The following TSPAN15 variants were observed in gnomAD, a reference collection of about 807,000 sequenced individuals.
The protein encoded by TSPAN15 is tetraspanin 15.
A neutral mutation model predicts 34.5 loss-of-function variants in TSPAN15; 20 were observed. That is an observed-to-expected ratio of 0.58 (90% confidence interval 0.41 to 0.84). The LOEUF (loss-of-function observed/expected upper bound fraction) is 0.84, where lower values mean the gene tolerates loss of function less well. Ranked by LOEUF, TSPAN15 falls within the 40% of genes least tolerant of loss-of-function variation. TSPAN15 has a pLI of 0.00. For synonymous variants in TSPAN15, 155 were observed against 153.9 expected (o/e 1.01, Z -0.05); for missense variants, 313 against 386.1 (o/e 0.81, Z 1.59).
downstream of TSPAN15, among the ~76,000 whole-genome samples, chr10:69,511,249 T>C (rs1842411937): frequency 6.6e-6 from 1 of 152,222 alleles, no homozygotes; most frequent in Non-Finnish European, 1.5e-5. Context: ...TGCCTCAATT[T>C]CAGAACTTGT....
At chr10:69,495,735 GC>G (rs1842066924) in intron 4 of TSPAN15, 46 bp downstream of exon 4, 2 of 1,371,464 alleles carry the variant, frequency 1.5e-6, no homozygotes, top group Non-Finnish European at 2.1e-6. Flanking sequence ...CGTGCTCTTA[GC>G]CCCCCATTCA....
Position 69,479,517 on chromosome 10 carries a change from C to T in TSPAN15, c.97-4174C>T, listed in dbSNP as rs1021031265. ...CTCTTTGGCCCCAAATGGGCATGGCCGTGTGCCCCCCACCCCCAGCCCTGT... is the reference window on the plus strand; with the variant it reads ...CTCTTTGGCCCCAAATGGGCATGGCTGTGTGCCCCCCACCCCCAGCCCTGT... On this transcript the variant is annotated intron_variant, in intron 1 of 7. Coordinates refer to ENST00000373290, the MANE Select transcript of TSPAN15 (RefSeq NM_012339.5). Among the ~76,000 whole-genome samples the T allele has an allele frequency of 4.6e-5, 7 of 152,244 alleles. No individual in the cohort carries two copies. In the East Asian group the frequency reaches 5.8e-4, roughly 13 times the overall value.
the TSPAN15 span, among the ~76,000 whole-genome samples, chr10:69,516,678 C>T: frequency 6.6e-6 from 1 of 152,160 alleles, no homozygotes; most frequent in Non-Finnish European, 1.5e-5. Context: ...AGCACCCACC[C>T]CTCCCCCAGC....
At chr10:69,454,172 TA>T (rs1430908886) in intron 1 of TSPAN15, among the ~76,000 whole-genome samples, 1 of 152,222 alleles carries the variant, frequency 6.6e-6, no homozygotes, top group African/African-American at 2.4e-5. Context: ...TGGAGGGCCA[TA>T]AGTTTTATGA....
the TSPAN15 span, among the ~76,000 whole-genome samples, chr10:69,517,697 G>T: frequency 6.6e-6 from 1 of 152,224 alleles, no homozygotes; most frequent in Non-Finnish European, 1.5e-5. Context: ...GAACGGGCCT[G>T]TGGAGAATGT....
intron 4 of TSPAN15, among the ~76,000 whole-genome samples, chr10:69,496,796 T>C (rs1842095639): frequency 6.6e-6 from 1 of 152,220 alleles, no homozygotes; most frequent in Non-Finnish European, 1.5e-5. Context: ...GTGCAGCCTC[T>C]GGAAGGTCTT....
chr10:69,507,897 C>G (rs1842369903), downstream of TSPAN15, among the ~76,000 whole-genome samples: 1 of 151,498 alleles, frequency 6.6e-6, no homozygotes, highest in African/African-American at 2.4e-5. Flanking sequence ...CAGCATGAGG[C>G]TCCACCTCCA....
intron 1 of TSPAN15, among the ~76,000 whole-genome samples, chr10:69,460,024 GAT>G (rs1841214299): frequency 2.1e-5 from 1 of 46,928 alleles, no homozygotes; most frequent in South Asian, 6.2e-4. Flanking sequence ...GGGGAGATGA[GAT>G]GAGATGAGAT....
intron 3 of TSPAN15, among the ~76,000 whole-genome samples, chr10:69,488,424 C>T (rs893360577): frequency 1.3e-5 from 2 of 152,092 alleles, no homozygotes; most frequent in Non-Finnish European, 2.9e-5. Flanking sequence ...TTCTCTGAGC[C>T]ACAATGTAAC....
At chr10:69,484,706 C>A (rs1841812277) in intron 2 of TSPAN15, among the ~76,000 whole-genome samples, 1 of 152,162 alleles carries the variant, frequency 6.6e-6, no homozygotes, top group Non-Finnish European at 1.5e-5. Flanking sequence ...CAGCCATCCC[C>A]CTCACCCACT....
chr10:69,545,180 C>A, the TSPAN15 span, among the ~76,000 whole-genome samples: 2 of 152,314 alleles, frequency 1.3e-5, no homozygotes, highest in Non-Finnish European at 2.9e-5. Flanking sequence ...CCTCACTCCC[C>A]CTTTACCCCC....
intron 5 of TSPAN15, among the ~76,000 whole-genome samples, chr10:69,501,711 C>A (rs1842212028): frequency 6.6e-6 from 1 of 152,176 alleles, no homozygotes; most frequent in Non-Finnish European, 1.5e-5. Flanking sequence ...AGCAGGGCTC[C>A]CCTACCTCCA....
At chr10:69,467,051 A>G (rs1300145758) in intron 1 of TSPAN15, among the ~76,000 whole-genome samples, 8 of 152,158 alleles carry the variant, frequency 5.3e-5, no homozygotes, top group Non-Finnish European at 1.2e-4. Flanking sequence ...CACTTTCTGC[A>G]CAGGGTTTCA....
chr10:69,535,159 C>T, the TSPAN15 span, among the ~76,000 whole-genome samples: 7 of 152,188 alleles, frequency 4.6e-5, no homozygotes, highest in African/African-American at 1.4e-4. Flanking sequence ...TTCCTAGGAC[C>T]AAGATTATAG....
Position 69,494,627 on chromosome 10 carries a change from A to T in TSPAN15, c.358-967A>T, listed in dbSNP as rs1019966000. 36 of 985,194 alleles carry T rather than the reference A, an allele frequency of 3.7e-5. No homozygotes were observed. In the African/African-American group the frequency reaches 6.3e-4, roughly 17 times the overall value. 61.0% of individuals were successfully genotyped at this position (985,194 alleles called of 1,614,324 possible). A position where few individuals can be genotyped will look rare whatever the true frequency, so the allele number is the denominator to read the frequency against. On this transcript the variant is annotated intron_variant, in intron 3 of 7. Coordinates refer to ENST00000373290, the MANE Select transcript of TSPAN15 (RefSeq NM_012339.5). ...CCTACGGGTTTGGTTCACAGTTGGG[A>T]AGCTGAGGCCCAGAGAGGAGAAGTA...
chr10:69,451,747 C>CCCTCACTGGCCCGGGGTTGGGT, intron 1 of TSPAN15, 57 bp downstream of exon 1: 1 of 1,337,478 alleles, frequency 7.5e-7, no homozygotes, highest in Non-Finnish European at 9.8e-7. Flanking sequence ...TCCGGCCGCC[C>CCCTCACTGGCCCGGGGTTGGGT]CCTCACTGGC....
chr10:69,516,601 T>C, the TSPAN15 span, among the ~76,000 whole-genome samples: 1 of 152,178 alleles, frequency 6.6e-6, no homozygotes, highest in Non-Finnish European at 1.5e-5. Flanking sequence ...TGATCCCCAC[T>C]TGGCCGGGTC....
chr10:69,476,213 T>C (rs1337845954), intron 1 of TSPAN15, among the ~76,000 whole-genome samples: 2 of 151,694 alleles, frequency 1.3e-5, no homozygotes, highest in Admixed American at 6.6e-5. Flanking sequence ...GATGGCAAGA[T>C]GTGTTGTAAA....
intron 1 of TSPAN15, among the ~76,000 whole-genome samples, chr10:69,461,181 C>T (rs908564876): frequency 1.5e-4 from 23 of 152,158 alleles, no homozygotes; most frequent in African/African-American, 5.3e-4. Context: ...TGTGCCTTGT[C>T]CCATTTTATA....
Sources: gnomAD v4.1 joint callset for allele counts (sites outside exome capture counted in the v4.1 genomes callset) on GRCh38, gnomAD v4.1.1 for gene constraint, MANE v1.5 for transcripts, NCBI Gene and HGNC (gene_info 2026-07-23, HGNC 2026-07-21) for gene names.